RBFOX1: variants seen among roughly 807,000 people sequenced by gnomAD.
RBFOX1 encodes the protein RNA binding fox-1 homolog 1.
Under a neutral mutation model 57.7 loss-of-function variants are expected in RBFOX1, and 8 were observed. The ratio of observed to expected loss-of-function variants is 0.14; its 90% confidence interval spans 0.08 to 0.25. The LOEUF (loss-of-function observed/expected upper bound fraction) is 0.25. Ranked by LOEUF, RBFOX1 falls within the 10% of genes least tolerant of loss-of-function variation. RBFOX1 has a pLI of 1.00. For synonymous variants in RBFOX1, 326 were observed against 222.4 expected (o/e 1.47, Z -4.15); for missense variants, 611 against 548.5 (o/e 1.11, Z -1.14).
intron 4 of RBFOX1, 96 bp downstream of exon 4, chr16:7,052,194 C>A: frequency 1.3e-6 from 2 of 1,497,392 alleles, no homozygotes; most frequent in Non-Finnish European, 1.8e-6. Context: ...TTCTAAATAA[C>A]AGGCTTCATC....
rs778543781 is a variant in RBFOX1 at position 6,050,441 on chromosome 16, T to G, written c.-127+30449T>G. ...TGTGATTTCACATGTTCCTGTGTCC[T>G]TTGTATTCTTTTAAATTAGTCTAGG... On this transcript the variant is annotated intron_variant, in intron 1 of 15. Coordinates refer to ENST00000550418, the MANE Select transcript of RBFOX1 (RefSeq NM_018723.4). 1.1e-4 allele frequency among the ~76,000 whole-genome samples: 16 copies of G among 152,342 alleles called. 2 individuals are homozygous for G. In the Middle Eastern group the frequency reaches 0.02, roughly 194 times the overall value.
At chr16:5,813,149 A>T (rs919248762) in intron 3 of RBFOX1, among the ~76,000 whole-genome samples, 2 of 152,090 alleles carry the variant, frequency 1.3e-5, no homozygotes, top group African/African-American at 4.8e-5. Flanking sequence ...CTGGAATTAC[A>T]GGCGCATGCC....
intron 3 of RBFOX1, among the ~76,000 whole-genome samples, chr16:7,024,362 G>A (rs187741166): frequency 1.7e-4 from 26 of 152,158 alleles, no homozygotes; most frequent in Admixed American, 1.1e-3. Context: ...ATTCTTGGAG[G>A]GCAGTTGAGT....
rs546322735 is a variant in RBFOX1, at chr16:7,365,658, A to G, written c.28-152489A>G. On this transcript the variant is annotated intron_variant, in intron 4 of 15. Coordinates refer to ENST00000550418, the MANE Select transcript of RBFOX1 (RefSeq NM_018723.4). ...CAGCATCATCTTTGCAAACATTAAG[A>G]TGGCAGGGCACAGTAAAGGTACTTT... is the stretch of plus-strand genomic sequence containing the variant. Among the ~76,000 whole-genome samples, 78 of 152,340 alleles carry G rather than the reference A, an allele frequency of 5.1e-4. 1 individual carries two copies. In the South Asian group the frequency reaches 0.015, roughly 29 times the overall value.
At chr16:7,129,793 G>GA (rs550285083) in intron 4 of RBFOX1, among the ~76,000 whole-genome samples, 4,037 of 104,622 alleles carry the variant, frequency 0.039, 206 homozygotes, top group African/African-American at 0.13. Context: ...TTATCACACT[G>GA]AAAAAAAAAA....
At chr16:7,383,699 G>T (rs1043081439) in intron 4 of RBFOX1, among the ~76,000 whole-genome samples, 4 of 152,076 alleles carry the variant, frequency 2.6e-5, no homozygotes, top group Non-Finnish European at 5.9e-5. Context: ...TTCCCATTCT[G>T]TATATTAAAC....
At chr16:5,447,378 A>ATCAATCTCTCTCTC (rs143837516) in intron 1 of RBFOX1, among the ~76,000 whole-genome samples, 1 of 134,360 alleles carries the variant, frequency 7.4e-6, no homozygotes, top group African/African-American at 3.0e-5. Context: ...CAATCAATCA[A>ATCAATCTCTCTCTC]TCTCTCTCTC....
At chr16:6,833,194 C>T (rs1042893534) in intron 3 of RBFOX1, among the ~76,000 whole-genome samples, 1 of 151,008 alleles carries the variant, frequency 6.6e-6, no homozygotes, top group Non-Finnish European at 1.5e-5. Context: ...GAGACGGGGT[C>T]TTTTTCTGTC....
In RBFOX1 at chr16:5,620,926, C is replaced by T. The variant is rs139659154; in HGVS notation, c.318+21965C>T. On this transcript the variant is annotated intron_variant, in intron 3 of 19. Coordinates refer to the RBFOX1 transcript ENST00000641259. ...TGTGATCTCGGCTCACTGCAAGTTC[C>T]GCCTCCCGGGTTCCTGCCATTCTCC... Among the ~76,000 whole-genome samples the T allele has an allele frequency of 2.4e-4, 36 of 151,170 alleles. No homozygotes were observed. The East Asian group carries it at 3.2e-3, about 13-fold the overall frequency.
At chr16:6,074,788 C>T (rs562345709) in intron 1 of RBFOX1, among the ~76,000 whole-genome samples, 8 of 152,128 alleles carry the variant, frequency 5.3e-5, no homozygotes, top group South Asian at 2.1e-4. Flanking sequence ...TCAGGCCTCA[C>T]GGGGAAAAGG....
intron 4 of RBFOX1, among the ~76,000 whole-genome samples, chr16:7,349,962 C>T (rs555533854): frequency 6.6e-6 from 1 of 152,094 alleles, no homozygotes; most frequent in Non-Finnish European, 1.5e-5. Flanking sequence ...GCCTGGGCAA[C>T]ATGGTGAAAC....
intron 4 of RBFOX1, among the ~76,000 whole-genome samples, chr16:7,165,413 A>ATT (rs2079246726): frequency 7.1e-6 from 1 of 141,218 alleles, no homozygotes; most frequent in Admixed American, 7.0e-5. Context: ...TAATAATGAT[A>ATT]ATAATCATTA....
chr16:5,903,005 G>A (rs1056826599), intron 4 of RBFOX1, among the ~76,000 whole-genome samples: 4 of 152,032 alleles, frequency 2.6e-5, no homozygotes, highest in South Asian at 4.2e-4. Flanking sequence ...CAACAAACGT[G>A]TGCACCCCTT....
At chr16:7,456,521 C>G (rs1234149120) in intron 4 of RBFOX1, among the ~76,000 whole-genome samples, 1 of 152,218 alleles carries the variant, frequency 6.6e-6, no homozygotes, top group Non-Finnish European at 1.5e-5. Context: ...TCCCTCTATG[C>G]TTTATCCTGT....
At chr16:6,868,759 T>G (rs1455849810) in intron 3 of RBFOX1, among the ~76,000 whole-genome samples, 1 of 152,108 alleles carries the variant, frequency 6.6e-6, no homozygotes. Context: ...GCATGAGCCA[T>G]TGCACCCGGC....
chr16:6,922,486 C>G (rs1206406029), intron 3 of RBFOX1, among the ~76,000 whole-genome samples: 1 of 152,162 alleles, frequency 6.6e-6, no homozygotes, highest in Non-Finnish European at 1.5e-5. Context: ...AATCTTTTAG[C>G]TCATTTTCTT....
At chr16:6,184,543 G>A (rs1266788169) in intron 1 of RBFOX1, among the ~76,000 whole-genome samples, 3 of 152,008 alleles carry the variant, frequency 2.0e-5, no homozygotes, top group African/African-American at 7.2e-5. Flanking sequence ...AGGGGTCAGT[G>A]TTTACTATGG....
chr16:5,776,236 C>T (rs1040622672), intron 3 of RBFOX1, among the ~76,000 whole-genome samples: 14 of 152,184 alleles, frequency 9.2e-5, no homozygotes, highest in Non-Finnish European at 1.8e-4. Flanking sequence ...GGAGTATTTG[C>T]ACATTCGTTG....
At chr16:5,451,181 C>T (rs927697657) in intron 1 of RBFOX1, among the ~76,000 whole-genome samples, 1 of 152,108 alleles carries the variant, frequency 6.6e-6, no homozygotes, top group Non-Finnish European at 1.5e-5. Context: ...AGCTCTTCTT[C>T]CTCTGCTCTG....
Sources: allele counts gnomAD v4.1 joint callset (sites outside exome capture counted in the v4.1 genomes callset), GRCh38; gene constraint gnomAD v4.1.1; transcripts MANE v1.5; gene names NCBI Gene and HGNC (gene_info 2026-07-23, HGNC 2026-07-21).